The following CD53 variants were observed in gnomAD, a reference collection of about 807,000 sequenced individuals.
The protein encoded by CD53 is leukocyte surface antigen CD53.
In CD53, 20 loss-of-function variants were observed where a neutral mutation model predicts 27.3. That is an observed-to-expected ratio of 0.73 (90% CI 0.52 to 1.07). The LOEUF is 1.07. Ranked by LOEUF, CD53 falls within the 50% of genes least tolerant of loss-of-function variation. The pLI is 0.00. For missense variants in CD53, 216 were observed against 264.0 expected, an observed-to-expected ratio of 0.82 and a Z score of 1.26; for synonymous variants, 106 against 105.3, an observed-to-expected ratio of 1.01 and a Z score of -0.04.
chr1:110,897,753 C>G (rs1657126552), intron 6 of CD53, 56 bp from the exon 7 acceptor site: 1 of 1,055,238 alleles, frequency 9.5e-7, no homozygotes. Context: ...CAAATACTTC[C>G]TCTTGATATG....
At chr1:110,884,684 T>TTAA (rs1553203260) in intron 1 of CD53, among the ~76,000 whole-genome samples, 1 of 151,128 alleles carries the variant, frequency 6.6e-6, no homozygotes, top group East Asian at 2.0e-4. Flanking sequence ...AATCAGTCCC[T>TTAA]TTATAAAGTA....
At position 110,899,468 on chromosome 1, in the gene CD53, A is replaced by G; in HGVS notation, c.*273A>G. On this transcript the variant is annotated 3_prime_UTR_variant, in exon 8 of 8. Transcript: ENST00000271324. ...CATCTTTTAGACAAGAGAGGCAAAG[A>G]CAAACTGGATTTAATGGCCCAACAT... 1 of 328,408 alleles carries G rather than the reference A, an allele frequency of 3.0e-6. No homozygotes were observed. The highest frequency in any genetic ancestry group is 3.9e-5 in the South Asian group (1 of 25,668). 20.3% of individuals were successfully genotyped at this position (328,408 alleles called of 1,614,324 possible). A position where few individuals can be genotyped will look rare whatever the true frequency, so the allele number is the denominator to read the frequency against.
At chr1:110,893,234 T>A (rs1416884420) in intron 3 of CD53, among the ~76,000 whole-genome samples, 1 of 152,248 alleles carries the variant, frequency 6.6e-6, no homozygotes, top group Admixed American at 6.5e-5. Flanking sequence ...GGGTTTCTAA[T>A]CACATTGGTT....
intron 5 of CD53, 89 bp from the exon 6 acceptor site, chr1:110,896,564 C>T (rs1364389608): frequency 8.1e-7 from 1 of 1,230,198 alleles, no homozygotes; most frequent in African/African-American, 1.5e-5. Context: ...AGAGTCAGAT[C>T]TGAAGGGCAC....
At chr1:110,889,384 G>A (rs1217632273) in intron 1 of CD53, among the ~76,000 whole-genome samples, 1 of 151,558 alleles carries the variant, frequency 6.6e-6, no homozygotes, top group African/African-American at 2.4e-5. Context: ...GTGAAACCCC[G>A]TCTCTACTAA....
intron 1 of CD53, among the ~76,000 whole-genome samples, chr1:110,887,311 G>C (rs1249180056): frequency 6.6e-6 from 1 of 152,080 alleles, no homozygotes; most frequent in Non-Finnish European, 1.5e-5. Context: ...TGATCCGCCC[G>C]CCTCGGCCTC....
rs187158321 is a variant in CD53, at chr1:110,891,649, A to G, written c.63+178A>G. 2.8e-3 allele frequency among the ~76,000 whole-genome samples: 433 copies of G among 152,232 alleles called. 2 individuals carry two copies. The highest frequency in any genetic ancestry group is 0.01 in the African/African-American group (417 of 41,534). ...TTCCCCTCTTCCTGCCACAGAATAA[A>G]CCTGCAAAATTGAAAGGTACCAGTG... On this transcript the variant is annotated intron_variant, in intron 2 of 7. Coordinates refer to ENST00000271324, the MANE Select transcript of CD53 (RefSeq NM_000560.4).
chr1:110,871,655 G>A (rs187432001), upstream of CD53, among the ~76,000 whole-genome samples: 1 of 152,242 alleles, frequency 6.6e-6, no homozygotes, highest in African/African-American at 2.4e-5. Flanking sequence ...GAAAATATGA[G>A]TTCAGCCAGA....
intron 3 of CD53, among the ~76,000 whole-genome samples, chr1:110,893,093 C>T (rs1267587952): frequency 2.6e-5 from 4 of 152,192 alleles, no homozygotes. Context: ...CTATCAGGTA[C>T]TATCCTGAGG....
intron 2 of CD53, among the ~76,000 whole-genome samples, 191 bp downstream of exon 2, chr1:110,891,662 A>C (rs1462000796): frequency 6.6e-6 from 1 of 152,158 alleles, no homozygotes; most frequent in African/African-American, 2.4e-5. Context: ...TGCAAAATTG[A>C]AAGGTACCAG....
chr1:110,893,219 G>A (rs915085871), intron 3 of CD53, among the ~76,000 whole-genome samples: 11 of 152,222 alleles, frequency 7.2e-5, no homozygotes, highest in African/African-American at 2.4e-4. Flanking sequence ...TCTACCAATA[G>A]GCGTGGGTTT....
chr1:110,885,908 G>GA (rs567446409), intron 1 of CD53, among the ~76,000 whole-genome samples: 1 of 152,004 alleles, frequency 6.6e-6, no homozygotes, highest in East Asian at 1.9e-4. Flanking sequence ...TAAATAACAA[G>GA]AAAAAAAGTA....
At position 110,893,185 on chromosome 1, in the gene CD53, C is replaced by T. The variant is rs536180575; in HGVS notation, c.252+652C>T. On this transcript the variant is annotated intron_variant, in intron 3 of 7. Transcript: ENST00000271324. ...CTACATTTCTGTAGTGTTCCCAGAA[C>T]AGAGCTTGGTGTAACAGTGCCACTC... Among the ~76,000 whole-genome samples the T allele has an allele frequency of 6.8e-4, 104 of 152,370 alleles. 1 individual carries two copies. The highest frequency in any genetic ancestry group is 2.5e-3 in the African/African-American group (102 of 41,586).
At chr1:110,886,926 C>T (rs1271812304) in intron 1 of CD53, among the ~76,000 whole-genome samples, 4 of 144,766 alleles carry the variant, frequency 2.8e-5, no homozygotes, top group Admixed American at 7.0e-5. Flanking sequence ...TCTTCAAGTT[C>T]GCTAGTTTTT....
At chr1:110,882,074 C>T (rs922611369) in intron 1 of CD53, among the ~76,000 whole-genome samples, 2 of 152,130 alleles carry the variant, frequency 1.3e-5, no homozygotes, top group African/African-American at 4.8e-5. Context: ...CTTGTCTTTT[C>T]ATTCTCTTAA....
At chr1:110,878,837 G>A (rs1045983202) in intron 1 of CD53, among the ~76,000 whole-genome samples, 1 of 152,082 alleles carries the variant, frequency 6.6e-6, no homozygotes, top group East Asian at 1.9e-4. Flanking sequence ...TTCTAATAAC[G>A]TATTCTCAAT....
intron 1 of CD53, among the ~76,000 whole-genome samples, chr1:110,874,743 G>C (rs1003705616): frequency 1.3e-5 from 2 of 152,126 alleles, no homozygotes; most frequent in Non-Finnish European, 1.5e-5. Context: ...CACAGCTATG[G>C]TTACCACCAC....
intron 5 of CD53, 150 bp from the exon 6 acceptor site, chr1:110,896,503 C>A (rs1657068123): frequency 3.0e-6 from 2 of 671,622 alleles, no homozygotes; most frequent in African/African-American, 3.6e-5. Flanking sequence ...TTAGAAAGCA[C>A]TTTGTTTTAA....
chr1:110,897,859 C>A lies in CD53; in HGVS notation c.555C>A (p.Ile185=). The A allele has an allele frequency of 6.2e-7, 1 of 1,611,420 alleles. No individual in the cohort carries two copies. Among genetic ancestry groups the A allele is most frequent in the Non-Finnish European group, 8.5e-7 (1 of 1,177,928 alleles). The stretch of plus-strand genomic sequence containing the variant: ...GGTTTCATTCCAATTTCCTGTATAT[C>A]GGAATCATCACCATCTGTGTATGTG... ...RLWFHSNFLY[I]GIITICVCVI... Residue 185 remains isoleucine, a synonymous_variant, in exon 7 of 8, where the codon ATC becomes ATA. Transcript: ENST00000271324.
Sources: gnomAD v4.1 joint callset for allele counts (sites outside exome capture counted in the v4.1 genomes callset) on GRCh38, gnomAD v4.1.1 for gene constraint, MANE v1.5 for transcripts, NCBI Gene and HGNC (gene_info 2026-07-23, HGNC 2026-07-21) for gene names.